Variants in DOCK1 observed in about 807,000 individuals in gnomAD.
DOCK1 encodes the protein dedicator of cytokinesis protein 1.
A neutral mutation model predicts 262.7 loss-of-function variants in DOCK1; 138 were observed. The observed-to-expected ratio is 0.53, with a 90% CI of 0.46 to 0.61. The LOEUF (loss-of-function observed/expected upper bound fraction) is 0.61, where lower values mean the gene tolerates loss of function less well. Ranked by LOEUF, DOCK1 falls within the 20% of genes least tolerant of loss-of-function variation. The probability of loss-of-function intolerance (pLI) is 0.00; values close to 1 mark genes in which losing one functional copy is unlikely to be tolerated. For synonymous variants in DOCK1, 866 were observed against 867.4 expected (o/e 1.00, Z 0.03); for missense variants, 1,908 against 2,370.7 (o/e 0.80, Z 4.05).
intron 27 of DOCK1, among the ~76,000 whole-genome samples, chr10:127,163,856 A>C (rs2053816170): frequency 6.6e-6 from 1 of 151,114 alleles, no homozygotes; most frequent in South Asian, 2.1e-4. Context: ...TCCAGGAAGA[A>C]ACACCCTTAA....
intron 27 of DOCK1, among the ~76,000 whole-genome samples, chr10:127,215,581 T>G (rs1441215706): frequency 1.3e-5 from 2 of 152,190 alleles, no homozygotes; most frequent in Admixed American, 6.5e-5. Context: ...TCTGCCTTGT[T>G]TTTTTAGACC....
intron 27 of DOCK1, among the ~76,000 whole-genome samples, chr10:127,191,373 A>T (rs1208073987): frequency 6.6e-6 from 1 of 152,062 alleles, no homozygotes; most frequent in African/African-American, 2.4e-5. Flanking sequence ...CATATCCACA[A>T]ATCAGAAGTC....
chr10:126,905,553 G>C lies in DOCK1; in HGVS notation c.36G>C (p.Lys12Asn), dbSNP rs2030566533. 2.1e-6 allele frequency: 1 copy of C among 483,844 alleles called. No individual in the cohort carries two copies. Among genetic ancestry groups the C allele is most frequent in the African/African-American group, 2.0e-5 (1 of 48,858 alleles). 30.0% of individuals were successfully genotyped at this position (483,844 alleles called of 1,614,324 possible). Residue 12 changes from lysine (K) to asparagine (N), a missense_variant, in exon 1 of 52, where the codon AAG becomes AAC. By Grantham distance (94) the Lys-to-Asn change is moderately conservative. Around this residue, in one of 9 missense-constraint regions of DOCK1, gnomAD observed 227 missense variants for 254.1 expected, o/e 0.89. Coordinates refer to ENST00000623213, the MANE Select transcript of DOCK1 (RefSeq NM_001290223.2). ...TRWVPTKREE[K>N]YGVAFYNYDA... ...GGGTGCCCACCAAGCGCGAGGAGAA[G>C]TACGGCGTGGGTGAGCAGCGCCGCC...
At chr10:126,951,139 A>C (rs2036184120) in intron 1 of DOCK1, among the ~76,000 whole-genome samples, 1 of 151,326 alleles carries the variant, frequency 6.6e-6, no homozygotes, top group Non-Finnish European at 1.5e-5. Flanking sequence ...TAGTGTTAGC[A>C]TGGTTGTTGG....
chr10:126,971,053 T>C (rs1281283692), intron 2 of DOCK1, among the ~76,000 whole-genome samples: 1 of 150,456 alleles, frequency 6.6e-6, no homozygotes, highest in African/African-American at 2.4e-5. Flanking sequence ...TAAATCTTTT[T>C]TTTTTTTTTC....
rs890104966 is a variant in DOCK1 at position 127,021,677 on chromosome 10, C to T, written c.1328-1523C>T. Among the ~76,000 whole-genome samples the T allele has an allele frequency of 7.9e-5, 12 of 152,314 alleles. No homozygotes were observed. In the East Asian group the frequency reaches 1.2e-3, roughly 15 times the overall value. On this transcript the variant is annotated intron_variant, in intron 13 of 51. Coordinates refer to ENST00000623213, the MANE Select transcript of DOCK1 (RefSeq NM_001290223.2). Reference sequence around the variant, plus strand: ...TCGTCCTGTGCTCCACGGTTCTTCTCGTGGTCAGTATCAGTGGGCGGCAGC... The same window carrying T: ...TCGTCCTGTGCTCCACGGTTCTTCTTGTGGTCAGTATCAGTGGGCGGCAGC...
intron 25 of DOCK1, among the ~76,000 whole-genome samples, chr10:127,115,554 A>G (rs184378798): frequency 3.3e-5 from 5 of 152,280 alleles, no homozygotes; most frequent in African/African-American, 9.6e-5. Flanking sequence ...TGTTGCCCAC[A>G]TAGCTGACAA....
In DOCK1 at chr10:127,208,488, A is replaced by C. The variant is rs543020856; in HGVS notation, c.2848-39520A>C. ...TGATGGTTTCCAAACAATTGAGATG[A>C]ATAGTTAAGTTTCTATAATTGTTCT... On this transcript the variant is annotated intron_variant, in intron 27 of 51. Transcript: ENST00000623213. 9.8e-5 allele frequency among the ~76,000 whole-genome samples: 15 copies of C among 152,338 alleles called. No homozygotes were observed. In the East Asian group the frequency reaches 2.5e-3, roughly 25 times the overall value.
chr10:126,942,301 G>T (rs1428049357), intron 1 of DOCK1, among the ~76,000 whole-genome samples: 6 of 152,290 alleles, frequency 3.9e-5, no homozygotes, highest in Non-Finnish European at 7.4e-5. Flanking sequence ...GGGATTATAG[G>T]TGTGAGCCAC....
chr10:127,064,993 T>C (rs1313029565), intron 23 of DOCK1, among the ~76,000 whole-genome samples: 2 of 152,098 alleles, frequency 1.3e-5, no homozygotes, highest in Non-Finnish European at 2.9e-5. Flanking sequence ...CATACCACAT[T>C]TGTCCTTTTG....
intron 23 of DOCK1, among the ~76,000 whole-genome samples, chr10:127,086,625 C>T (rs1299077271): frequency 6.6e-6 from 1 of 151,916 alleles, no homozygotes; most frequent in African/African-American, 2.4e-5. Context: ...TTAAAAAAAA[C>T]TGCTAATATT....
At chr10:127,428,251 A>G (rs777943726) in intron 47 of DOCK1, among the ~76,000 whole-genome samples, 19 of 152,252 alleles carry the variant, frequency 1.2e-4, no homozygotes, top group African/African-American at 2.7e-4. Context: ...CATTTAATGT[A>G]TATTTCAAAA....
chr10:127,095,200 T>C (rs2047834881), intron 23 of DOCK1, among the ~76,000 whole-genome samples: 3 of 152,200 alleles, frequency 2.0e-5, no homozygotes, highest in African/African-American at 7.2e-5. Context: ...TGAGGTTGGC[T>C]AAGTCTTTCT....
At chr10:127,271,026 T>C (rs918110970) in intron 29 of DOCK1, among the ~76,000 whole-genome samples, 13 of 151,592 alleles carry the variant, frequency 8.6e-5, no homozygotes, top group African/African-American at 1.9e-4. Context: ...TATGTATATA[T>C]ACACACACAC....
At chr10:127,069,737 C>T (rs1410787202) in intron 23 of DOCK1, among the ~76,000 whole-genome samples, 2 of 152,140 alleles carry the variant, frequency 1.3e-5, no homozygotes, top group African/African-American at 4.8e-5. Flanking sequence ...CCAACCATGA[C>T]AGGAAGGACT....
At chr10:127,264,132 T>C (rs1329915146) in intron 29 of DOCK1, among the ~76,000 whole-genome samples, 2 of 152,234 alleles carry the variant, frequency 1.3e-5, no homozygotes, top group Non-Finnish European at 2.9e-5. Flanking sequence ...ACATAGCGTG[T>C]AACAAAACCT....
chr10:127,440,046 C>T (rs564020500), intron 49 of DOCK1, among the ~76,000 whole-genome samples: 25 of 151,540 alleles, frequency 1.6e-4, no homozygotes, highest in Admixed American at 7.3e-4. Context: ...GCAGGCTGTA[C>T]GAGCACAGCA....
chr10:127,338,493 G>C (rs1269839292), intron 29 of DOCK1, among the ~76,000 whole-genome samples: 1 of 152,084 alleles, frequency 6.6e-6, no homozygotes, highest in Non-Finnish European at 1.5e-5. Flanking sequence ...TAAAATAGTG[G>C]TCAAAATTAG....
At position 127,451,403 on chromosome 10, in the gene DOCK1, G is replaced by A. The variant is rs774009173; in HGVS notation, c.5637G>A (p.Ser1879=). 13 of 1,589,172 alleles carry A rather than the reference G, an allele frequency of 8.2e-6. No homozygotes were observed. The highest frequency in any genetic ancestry group is 1.8e-5 in the Admixed American group (1 of 56,780). Residue 1879 remains serine (S), a synonymous_variant, in exon 52 of 52, where the codon TCG becomes TCA. Coordinates refer to ENST00000623213, the MANE Select transcript of DOCK1 (RefSeq NM_001290223.2). ...CAAAGACAACTCGCAAGCAGGCATCGGTGGACTCCGGGATCGTGCAGTGAC... is the reference window on the plus strand; with the variant it reads ...CAAAGACAACTCGCAAGCAGGCATCAGTGGACTCCGGGATCGTGCAGTGAC... ...PPPKTTRKQA[S]VDSGIVQ is the part of the protein sequence containing the mutation.
Sources: gnomAD v4.1 joint callset for allele counts (sites outside exome capture counted in the v4.1 genomes callset) on GRCh38, gnomAD v4.1.1 for gene constraint, gnomAD v4.1.1 regional missense constraint, MANE v1.5 for transcripts, NCBI Gene and HGNC (gene_info 2026-07-23, HGNC 2026-07-21) for gene names.